Variants in MAGI1 observed in about 807,000 individuals in gnomAD.
The protein encoded by MAGI1 is membrane-associated guanylate kinase, WW and PDZ domain-containing protein 1.
A neutral mutation model predicts 139.9 loss-of-function variants in MAGI1; 58 were observed. The observed-to-expected ratio is 0.41, with a 90% CI of 0.34 to 0.52. MAGI1 has a LOEUF of 0.52. Ranked by LOEUF, MAGI1 falls within the 20% of genes least tolerant of loss-of-function variation. The pLI is 0.12. For missense variants in MAGI1, 1,874 were observed against 1,901.6 expected (o/e 0.99, Z 0.27); for synonymous variants, 812 against 737.9 (o/e 1.10, Z -1.63).
intron 2 of MAGI1, among the ~76,000 whole-genome samples, chr3:65,572,538 A>G (rs2081006318): frequency 6.6e-6 from 1 of 152,148 alleles, no homozygotes; most frequent in African/African-American, 2.4e-5. Flanking sequence ...CCTTCAAAGT[A>G]GTTAAGCAGA....
intron 2 of MAGI1, among the ~76,000 whole-genome samples, chr3:65,548,146 C>T (rs2079591299): frequency 1.3e-5 from 2 of 152,230 alleles, no homozygotes; most frequent in South Asian, 4.1e-4. Context: ...GAGGAAGAAG[C>T]TCTGCTCATG....
intron 1 of MAGI1, among the ~76,000 whole-genome samples, chr3:65,715,135 G>A (rs986036372): frequency 1.8e-4 from 27 of 152,102 alleles, no homozygotes; most frequent in Non-Finnish European, 8.8e-5. Context: ...GACTTACCTA[G>A]GAAGAAAAAC....
At chr3:65,891,981 GTTA>G (rs2060790428) in intron 1 of MAGI1, among the ~76,000 whole-genome samples, 1 of 131,606 alleles carries the variant, frequency 7.6e-6, no homozygotes, top group African/African-American at 2.8e-5. Context: ...CAAGTAACCA[GTTA>G]TTATAGGATT....
At chr3:65,941,130 G>A (rs1363417789) in intron 1 of MAGI1, among the ~76,000 whole-genome samples, 1 of 152,164 alleles carries the variant, frequency 6.6e-6, no homozygotes, top group Admixed American at 6.5e-5. Context: ...CGGATCACCT[G>A]AGGTCAGGAG....
At chr3:65,765,832 T>C (rs1021943921) in intron 1 of MAGI1, among the ~76,000 whole-genome samples, 1 of 152,154 alleles carries the variant, frequency 6.6e-6, no homozygotes, top group African/African-American at 2.4e-5. Context: ...TTCTCAATCT[T>C]GCTTCTAAGC....
At chr3:65,460,922 C>T (rs1949738590) in intron 5 of MAGI1, among the ~76,000 whole-genome samples, 1 of 152,116 alleles carries the variant, frequency 6.6e-6, no homozygotes, top group African/African-American at 2.4e-5. Flanking sequence ...TATATATGTG[C>T]CACATTTTCT....
intron 12 of MAGI1, among the ~76,000 whole-genome samples, chr3:65,419,160 ATCTT>A (rs1469902076): frequency 6.6e-6 from 1 of 151,832 alleles, no homozygotes; most frequent in African/African-American, 2.4e-5. Context: ...CTCTGATTCT[ATCTT>A]TTACAAACTT....
intron 1 of MAGI1, among the ~76,000 whole-genome samples, chr3:65,695,695 A>C (rs913050661): frequency 6.6e-6 from 1 of 152,184 alleles, no homozygotes; most frequent in Non-Finnish European, 1.5e-5. Context: ...GGCACTGGAA[A>C]GCCATTTGAT....
intron 1 of MAGI1, among the ~76,000 whole-genome samples, chr3:65,744,870 T>C (rs1011243978): frequency 3.7e-4 from 57 of 152,092 alleles, no homozygotes; most frequent in Non-Finnish European, 4.3e-4. Flanking sequence ...ATTAGTAACA[T>C]TTACAACATT....
At chr3:65,370,533 C>T (rs1475599685) in intron 18 of MAGI1, among the ~76,000 whole-genome samples, 1 of 152,214 alleles carries the variant, frequency 6.6e-6, no homozygotes, top group African/African-American at 2.4e-5. Flanking sequence ...ATATTTCCTA[C>T]ATATTTAAAT....
chr3:65,736,195 A>G (rs1004259085), intron 1 of MAGI1, among the ~76,000 whole-genome samples: 4 of 152,300 alleles, frequency 2.6e-5, no homozygotes, highest in African/African-American at 7.2e-5. Context: ...GAGCACTTTG[A>G]TTTCTATCAT....
intron 1 of MAGI1, among the ~76,000 whole-genome samples, chr3:65,929,674 A>G (rs534182240): frequency 1.8e-4 from 28 of 152,200 alleles, no homozygotes; most frequent in Middle Eastern, 6.8e-3. Flanking sequence ...TGCAATCCAC[A>G]TAAGATACTA....
intron 2 of MAGI1, among the ~76,000 whole-genome samples, chr3:65,577,825 G>A (rs1249588483): frequency 6.6e-6 from 1 of 152,106 alleles, no homozygotes; most frequent in Non-Finnish European, 1.5e-5. Context: ...GAGAATAGTC[G>A]AACCATGTCT....
At chr3:65,594,924 T>C (rs1458361225) in intron 2 of MAGI1, among the ~76,000 whole-genome samples, 1 of 152,184 alleles carries the variant, frequency 6.6e-6, no homozygotes, top group East Asian at 1.9e-4. Flanking sequence ...TAAGCCAACA[T>C]CAGAATAATG....
intron 12 of MAGI1, among the ~76,000 whole-genome samples, chr3:65,418,825 G>A (rs973151678): frequency 1.3e-5 from 2 of 151,174 alleles, no homozygotes; most frequent in African/African-American, 2.4e-5. Context: ...TCTCCAGCCC[G>A]ACTGCATTAG....
At chr3:65,750,781 C>A (rs1427883855) in intron 1 of MAGI1, among the ~76,000 whole-genome samples, 1 of 152,182 alleles carries the variant, frequency 6.6e-6, no homozygotes, top group East Asian at 1.9e-4. Flanking sequence ...AAGTTGAAAG[C>A]CACCAAGGGA....
intron 1 of MAGI1, among the ~76,000 whole-genome samples, chr3:65,640,908 G>C (rs1288741040): frequency 6.6e-6 from 1 of 152,058 alleles, no homozygotes. Flanking sequence ...AACTGAAATA[G>C]GTCCACACTT....
At chr3:65,677,118 T>G (rs2107494593) in intron 1 of MAGI1, among the ~76,000 whole-genome samples, 1 of 152,330 alleles carries the variant, frequency 6.6e-6, no homozygotes. Context: ...TAGGAGAACG[T>G]GCAGACATTA....
chr3:65,415,006 GAAAA>G (rs60772625), intron 12 of MAGI1, among the ~76,000 whole-genome samples: 47,159 of 105,420 alleles, frequency 0.45, 8,268 homozygotes, highest in South Asian at 0.58. Flanking sequence ...TCCAGCCTGG[GAAAA>G]AAAAAAAAAC....
Sources: gnomAD v4.1 joint callset for allele counts (sites outside exome capture counted in the v4.1 genomes callset) on GRCh38, gnomAD v4.1.1 for gene constraint, MANE v1.5 for transcripts, NCBI Gene and HGNC (gene_info 2026-07-23, HGNC 2026-07-21) for gene names.